The following ANKRD34C variants were observed in gnomAD, a reference collection of about 807,000 sequenced individuals.
ANKRD34C encodes ankyrin repeat domain 34C.
For synonymous variants in ANKRD34C, 260 were observed against 253.6 expected (o/e 1.03, Z -0.24); for missense variants, 563 against 653.0 (o/e 0.86, Z 1.50).
rs1278906676 is a variant in ANKRD34C at position 79,293,857 on chromosome 15, A to C, written c.573A>C (p.Ile191=). 5.2e-6 allele frequency: 8 copies of C among 1,551,616 alleles called. No individual in the cohort carries two copies. The highest frequency in any genetic ancestry group is 7.0e-6 in the Non-Finnish European group (8 of 1,146,992). The change falls in exon 2 of 2, where the codon ATA becomes ATC. Residue 191 remains isoleucine, a synonymous_variant. Coordinates refer to ENST00000421388, the MANE Select transcript of ANKRD34C (RefSeq NM_001146341.2). The part of the protein sequence containing the change: ...SPPLCASPSD[I]ELKALGLDSP... ...CACTGTGTGCGTCTCCCTCTGACAT[A>C]GAGCTGAAGGCTCTAGGCCTGGACT... is the stretch of plus-strand genomic sequence containing the variant.
At chr15:79,286,565 G>T (rs867108827) in intron 1 of ANKRD34C, among the ~76,000 whole-genome samples, 1 of 152,104 alleles carries the variant, frequency 6.6e-6, no homozygotes, top group African/African-American at 2.4e-5. Context: ...TCAAATGAAG[G>T]TAAATTAGAT....
chr15:79,284,917 G>A (rs1007432058), intron 1 of ANKRD34C, among the ~76,000 whole-genome samples: 1 of 152,168 alleles, frequency 6.6e-6, no homozygotes, highest in Admixed American at 6.5e-5. Context: ...GGGCAGTTAA[G>A]CACTAAAGTG....
chr15:79,283,058 C>G lies in ANKRD34C; in HGVS notation c.-215C>G, dbSNP rs1243754833. On this transcript the variant is annotated 5_prime_UTR_variant, in exon 1 of 2. Transcript: ENST00000421388. ...AGTGACTCAACAGGACCCGCGGGGC[C>G]CGGGGTAGCCCCAGCTCCCGGCGCT... is the stretch of plus-strand genomic sequence containing the variant. Among the ~76,000 whole-genome samples, 3 of 152,242 alleles carry G rather than the reference C, an allele frequency of 2.0e-5. No homozygotes were observed. The highest frequency in any genetic ancestry group is 7.2e-5 in the African/African-American group (3 of 41,460).
chr15:79,289,513 A>T (rs933509288), intron 1 of ANKRD34C, among the ~76,000 whole-genome samples: 2 of 152,162 alleles, frequency 1.3e-5, no homozygotes, highest in African/African-American at 2.4e-5. Flanking sequence ...GGAGAGAAGG[A>T]TTCTCCTACA....
At chr15:79,293,137 T>C in intron 1 of ANKRD34C, 104 bp from the exon 2 acceptor site, 1 of 803,686 alleles carries the variant, frequency 1.2e-6, no homozygotes, top group Admixed American at 3.4e-5. Flanking sequence ...CAATGTAAGT[T>C]GGGATCAGGT....
rs1487300587 is a variant in ANKRD34C at position 79,295,748 on chromosome 15, T to A, written c.*856T>A. 1 of 166,734 alleles carries A rather than the reference T, an allele frequency of 6.0e-6. No individual in the cohort carries two copies. Among genetic ancestry groups the A allele is most frequent in the Non-Finnish European group, 1.5e-5 (1 of 68,104 alleles). The allele number at this position is 166,734 out of a possible 1,614,324, so 10.3% of individuals were successfully genotyped here. The stretch of plus-strand genomic sequence containing the variant: ...TTTCCAGATTATTCTTAAAAGTTGA[T>A]GAGATCTTCCCAAACCAGAATGACA... On this transcript the variant is annotated 3_prime_UTR_variant, in exon 2 of 2. Transcript: ENST00000421388.
chr15:79,284,183 A>C (rs1567014575), intron 1 of ANKRD34C, among the ~76,000 whole-genome samples: 1 of 152,190 alleles, frequency 6.6e-6, no homozygotes. Context: ...AAACTGAAGC[A>C]AGAGAGGCCG....
rs572401923 is a variant in ANKRD34C, at chr15:79,297,094, A to C, written c.*2202A>C. On this transcript the variant is annotated 3_prime_UTR_variant, in exon 2 of 2. Coordinates refer to ENST00000421388, the MANE Select transcript of ANKRD34C (RefSeq NM_001146341.2). ...ATAAACTAGCAAAAATCTATAGCTC[A>C]TGAACTTGGTTTAGTGTGGACAACC... 1 of 167,186 alleles carries C rather than the reference A, an allele frequency of 6.0e-6. No homozygotes were observed. The highest frequency in any genetic ancestry group is 2.1e-4 in the South Asian group (1 of 4,826). 10.4% of individuals were successfully genotyped at this position (167,186 alleles called of 1,614,324 possible).
chr15:79,284,787 G>A (rs1188250869), intron 1 of ANKRD34C, among the ~76,000 whole-genome samples: 1 of 152,172 alleles, frequency 6.6e-6, no homozygotes, highest in Non-Finnish European at 1.5e-5. Flanking sequence ...GCAAAATGAT[G>A]CTTGCCCAAA....
rs551082416 is a variant in ANKRD34C, at chr15:79,295,923, T to C, written c.*1031T>C. 7.2e-5 allele frequency: 12 copies of C among 167,158 alleles called. No homozygotes were observed. Among genetic ancestry groups the C allele is most frequent in the African/African-American group, 2.6e-4 (11 of 41,586 alleles). The allele number at this position is 167,158 out of a possible 1,614,324, so 10.4% of individuals were successfully genotyped here. On this transcript the variant is annotated 3_prime_UTR_variant, in exon 2 of 2. Transcript: ENST00000421388. ...TTATGTAAATAATTGAAGAAAAATC[T>C]GGTTTCTTCTCTTCCTGATCTATCT...
At position 79,294,235 on chromosome 15, in the gene ANKRD34C, T is replaced by G. The variant is rs1395246870; in HGVS notation, c.951T>G (p.Val317=). Reference sequence around the variant, plus strand: ...TCTTTCACACAGTCACAGAGCAGGTTCTGAAGATTCCAGTCTCTTCAGCAC... The same window carrying G: ...TCTTTCACACAGTCACAGAGCAGGTGCTGAAGATTCCAGTCTCTTCAGCAC... ...PTLFHTVTEQ[V]LKIPVSSAPA... is the part of the protein sequence containing the mutation. The change falls in exon 2 of 2, where the codon GTT becomes GTG. Residue 317 remains valine, a synonymous_variant. Coordinates refer to ENST00000421388, the MANE Select transcript of ANKRD34C (RefSeq NM_001146341.2). 1 of 1,551,584 alleles carries G rather than the reference T, an allele frequency of 6.4e-7. No individual in the cohort carries two copies. The highest frequency in any genetic ancestry group is 1.2e-5 in the South Asian group (1 of 84,020).
Position 79,293,686 on chromosome 15 carries a change from A to G in ANKRD34C, c.402A>G (p.Ala134=), listed in dbSNP as rs2058665147. The G allele has an allele frequency of 4.5e-6, 7 of 1,551,576 alleles. 1 individual carries two copies. Among genetic ancestry groups the G allele is most frequent in the Middle Eastern group, 3.3e-4 (2 of 6,014 alleles). Residue 134 remains alanine (A), a synonymous_variant, in exon 2 of 2, where the codon GCA becomes GCG. Transcript: ENST00000421388. ...VYAINADDKD[A]LKHLLDACKA... The stretch of plus-strand genomic sequence containing the variant: ...CAATAAATGCAGATGACAAGGATGC[A>G]TTGAAGCATCTCCTTGATGCCTGCA...
chr15:79,294,582 C>T lies in ANKRD34C; in HGVS notation c.1298C>T (p.Ser433Leu). 1 of 1,551,728 alleles carries T rather than the reference C, an allele frequency of 6.4e-7. No individual in the cohort carries two copies. Among genetic ancestry groups the T allele is most frequent in the Non-Finnish European group, 8.7e-7 (1 of 1,146,998 alleles). Residue 433 changes from serine to leucine, a missense_variant, in exon 2 of 2, where the codon TCA becomes TTA. Physicochemically the swap from Ser to Leu is moderately radical, Grantham distance 145 (BLOSUM62 -2). Coordinates refer to ENST00000421388, the MANE Select transcript of ANKRD34C (RefSeq NM_001146341.2). ...LDTVPSTSPS[S>L]ARRRPPHLLE... Reference sequence around the variant, plus strand: ...ACTGTACCTAGCACATCCCCCAGCTCAGCACGCCGCAGGCCGCCACATCTT... The same window carrying T: ...ACTGTACCTAGCACATCCCCCAGCTTAGCACGCCGCAGGCCGCCACATCTT...
chr15:79,287,021 G>A (rs2058647210), intron 1 of ANKRD34C, among the ~76,000 whole-genome samples: 3 of 152,158 alleles, frequency 2.0e-5, no homozygotes, highest in African/African-American at 7.2e-5. Context: ...TTCCACTCAT[G>A]TTTTTCAAGT....
chr15:79,294,579 G>T lies in ANKRD34C; in HGVS notation c.1295G>T (p.Ser432Ile). The part of the protein sequence containing the change: ...SLDTVPSTSP[S>I]SARRRPPHLL... ...GACACTGTACCTAGCACATCCCCCA[G>T]CTCAGCACGCCGCAGGCCGCCACAT... is the stretch of plus-strand genomic sequence containing the variant. Residue 432 changes from serine (S) to isoleucine (I), a missense_variant, in exon 2 of 2, where the codon AGC becomes ATC. Transcript: ENST00000421388. 1 of 1,551,668 alleles carries T rather than the reference G, an allele frequency of 6.4e-7. No homozygotes were observed. Among genetic ancestry groups the T allele is most frequent in the Admixed American group, 2.0e-5 (1 of 50,996 alleles).
At position 79,283,049 on chromosome 15, in the gene ANKRD34C, C is replaced by T. The variant is rs1479797918; in HGVS notation, c.-224C>T. Among the ~76,000 whole-genome samples, 1 of 152,208 alleles carries T rather than the reference C, an allele frequency of 6.6e-6. No homozygotes were observed. The highest frequency in any genetic ancestry group is 1.5e-5 in the Non-Finnish European group (1 of 68,040). ...TTCTGGGCAAGTGACTCAACAGGAC[C>T]CGCGGGGCCCGGGGTAGCCCCAGCT... On this transcript the variant is annotated 5_prime_UTR_variant, in exon 1 of 2. Coordinates refer to ENST00000421388, the MANE Select transcript of ANKRD34C (RefSeq NM_001146341.2).
rs2058667512 is a variant in ANKRD34C at position 79,294,445 on chromosome 15, G to A, written c.1161G>A (p.Gly387=). ...NDLYDLDIQP[G]PDPPNSISLE... ...TCTATGACTTAGATATACAGCCAGG[G>A]CCTGACCCTCCCAACTCCATTTCCC... Residue 387 remains glycine, a synonymous_variant, in exon 2 of 2, where the codon GGG becomes GGA. Coordinates refer to ENST00000421388, the MANE Select transcript of ANKRD34C (RefSeq NM_001146341.2). The A allele has an allele frequency of 6.4e-7, 1 of 1,551,568 alleles. No individual in the cohort carries two copies. Among genetic ancestry groups the A allele is most frequent in the African/African-American group, 1.4e-5 (1 of 73,042 alleles).
intron 1 of ANKRD34C, among the ~76,000 whole-genome samples, chr15:79,292,087 C>T (rs1348218172): frequency 2.6e-5 from 4 of 152,114 alleles, no homozygotes; most frequent in Admixed American, 6.5e-5. Context: ...AGGCAAATAG[C>T]GTAAGAGAAA....
In ANKRD34C at chr15:79,293,994, G is replaced by A. The variant is rs746446469; in HGVS notation, c.710G>A (p.Ser237Asn). The A allele has an allele frequency of 5.8e-6, 9 of 1,551,602 alleles. No individual in the cohort carries two copies. The highest frequency in any genetic ancestry group is 1.4e-5 in the African/African-American group (1 of 73,052). Residue 237 changes from serine (S) to asparagine (N), a missense_variant, in exon 2 of 2, where the codon AGT becomes AAT. By Grantham distance (46) the Ser-to-Asn change is conservative. Transcript: ENST00000421388. ...NEPGSPTRKV[S>N]NLKRARLPQL... ...CCTGGGTCACCCACCAGGAAAGTCA[G>A]TAATCTCAAAAGGGCCCGTTTGCCT...
Sources: gnomAD v4.1 joint callset for allele counts (sites outside exome capture counted in the v4.1 genomes callset) on GRCh38, gnomAD v4.1.1 for gene constraint, MANE v1.5 for transcripts, NCBI Gene and HGNC (gene_info 2026-07-23, HGNC 2026-07-21) for gene names.